The following ABCC6 variants were observed in gnomAD, a reference collection of about 807,000 sequenced individuals.
ABCC6 encodes ATP binding cassette subfamily C member 6.
A neutral mutation model predicts 169.5 loss-of-function variants in ABCC6; 126 were observed. The ratio of observed to expected loss-of-function variants is 0.74; its 90% CI spans 0.64 to 0.86. ABCC6 has a LOEUF of 0.86. Ranked by LOEUF, ABCC6 falls within the 40% of genes least tolerant of loss-of-function variation. The probability of loss-of-function intolerance (pLI) is 0.00; values close to 1 mark genes in which losing one functional copy is unlikely to be tolerated. For missense variants in ABCC6, 1,733 were observed against 1,927.2 expected (o/e 0.90, Z 1.89); for synonymous variants, 752 against 814.7 (o/e 0.92, Z 1.31).
At chr16:16,213,082 AT>A (rs55813185) in intron 5 of ABCC6, among the ~76,000 whole-genome samples, 3,733 of 138,668 alleles carry the variant, frequency 0.027, 34 homozygotes, top group Non-Finnish European at 0.031. Context: ...CCTTCGAGCA[AT>A]TTTTTTTTTT....
intron 9 of ABCC6, among the ~76,000 whole-genome samples, chr16:16,198,937 T>C (rs2152279470): frequency 6.6e-6 from 1 of 151,574 alleles, no homozygotes; most frequent in East Asian, 1.9e-4. Flanking sequence ...GAGGTTGCAG[T>C]GAGCCCAGAT....
intron 25 of ABCC6, among the ~76,000 whole-genome samples, chr16:16,160,628 CAAAA>C (rs34511090): frequency 5.9e-4 from 45 of 76,392 alleles, no homozygotes; most frequent in African/African-American, 1.7e-3. Flanking sequence ...CTGTTTCTAC[CAAAA>C]AAAAAAAAAA....
In ABCC6 at chr16:16,161,423, G is replaced by T; in HGVS notation, c.3633+15C>A. ...TGTCTGTCCCTCAAGCCCAGTTTGGGGATGTGGGGAGTACCTGGAGGGCAG... is the reference window on the plus strand; with the variant it reads ...TGTCTGTCCCTCAAGCCCAGTTTGGTGATGTGGGGAGTACCTGGAGGGCAG... On this transcript the variant is annotated intron_variant, in intron 25 of 30. Transcript: ENST00000205557. The T allele has an allele frequency of 1.9e-6, 3 of 1,613,690 alleles. No individual in the cohort carries two copies. The highest frequency in any genetic ancestry group is 2.5e-6 in the Non-Finnish European group (3 of 1,179,948).
At chr16:16,182,198 C>T (rs1429311876) in intron 17 of ABCC6, among the ~76,000 whole-genome samples, 1 of 152,176 alleles carries the variant, frequency 6.6e-6, no homozygotes, top group Non-Finnish European at 1.5e-5. Context: ...GCCACAACTC[C>T]CTGCCTCTCT....
In ABCC6 at chr16:16,208,757, C is replaced by T. The variant is rs771478479; in HGVS notation, c.765G>A (p.Glu255=). ...GGGCTGCACTGCGGTTCCTCATCCACTCCTTTTCAAGCCGGGAAACAAGTT... is the reference window on the plus strand; with the variant it reads ...GGGCTGCACTGCGGTTCCTCATCCATTCCTTTTCAAGCCGGGAAACAAGTT... The part of the protein sequence containing the change: ...SEELVSRLEK[E]WMRNRSAARR... Residue 255 remains glutamate, a synonymous_variant, in exon 7 of 31, where the codon GAG becomes GAA. Transcript: ENST00000205557. 1.9e-5 allele frequency: 30 copies of T among 1,613,688 alleles called. No homozygotes were observed. Among genetic ancestry groups the T allele is most frequent in the Non-Finnish European group, 2.5e-5 (29 of 1,179,778 alleles).
intron 21 of ABCC6, among the ~76,000 whole-genome samples, chr16:16,172,908 G>A (rs1329993624): frequency 2.6e-5 from 4 of 152,080 alleles, no homozygotes; most frequent in African/African-American, 4.8e-5. Context: ...TGGGCATGGT[G>A]GCACACGCCT....
intron 21 of ABCC6, chr16:16,172,984 G>A (rs2047162564): frequency 1.6e-5 from 7 of 436,124 alleles, no homozygotes; most frequent in Non-Finnish European, 2.1e-5. Context: ...CGAGGCTGCA[G>A]TGAGCTATGA....
chr16:16,219,249 G>C (rs1007985176), intron 4 of ABCC6, among the ~76,000 whole-genome samples: 2 of 148,950 alleles, frequency 1.3e-5, no homozygotes, highest in African/African-American at 5.0e-5. Flanking sequence ...CAGGTTGTGT[G>C]TGTGTGCGTG....
chr16:16,215,344 A>G (rs1358981208), intron 4 of ABCC6, among the ~76,000 whole-genome samples: 1 of 151,848 alleles, frequency 6.6e-6, no homozygotes, highest in Non-Finnish European at 1.5e-5. Flanking sequence ...CCACACCACA[A>G]TGATTTTTGC....
intron 29 of ABCC6, among the ~76,000 whole-genome samples, chr16:16,151,837 A>G (rs2046392501): frequency 2.6e-5 from 4 of 151,970 alleles, no homozygotes. Context: ...AAGTCCTCTG[A>G]CCCCAGAGTC....
At chr16:16,152,584 T>C (rs1225667147) in intron 29 of ABCC6, among the ~76,000 whole-genome samples, 3 of 152,098 alleles carry the variant, frequency 2.0e-5, no homozygotes, top group South Asian at 4.1e-4. Context: ...TGCCTGCCAC[T>C]GTTTCAACAA....
chr16:16,183,033 C>G, intron 15 of ABCC6, 103 bp from the exon 16 acceptor site: 1 of 1,569,132 alleles, frequency 6.4e-7, no homozygotes, highest in Non-Finnish European at 8.8e-7. Flanking sequence ...CTCTGGGAGT[C>G]TCCAAGAGGA....
chr16:16,194,418 C>T (rs1195064599), intron 10 of ABCC6, among the ~76,000 whole-genome samples: 2 of 152,254 alleles, frequency 1.3e-5, no homozygotes, highest in Non-Finnish European at 2.9e-5. Flanking sequence ...ACTCACACTT[C>T]ACTGAATGTC....
intron 17 of ABCC6, among the ~76,000 whole-genome samples, chr16:16,181,336 C>A (rs2047461877): frequency 1.6e-5 from 2 of 125,290 alleles, no homozygotes; most frequent in African/African-American, 6.1e-5. Context: ...GAGCGAGACT[C>A]CGTCTCAGAA....
In ABCC6 at chr16:16,163,185, T is replaced by A; in HGVS notation, c.3314A>T (p.Tyr1105Phe). Reference sequence around the variant, plus strand: ...TCTCAGCTGGCATGAGCTAACCACATACAGGCTCTGAGAAGGATGGATGGG... The same window carrying A: ...TCTCAGCTGGCATGAGCTAACCACAAACAGGCTCTGAGAAGGATGGATGGG... Reference protein sequence around the residue: ...FLLYAGFQSLYVVSSCQLRRL... With the variant: ...FLLYAGFQSLFVVSSCQLRRL... Residue 1105 changes from tyrosine to phenylalanine, a missense_variant, in exon 24 of 31, where the codon TAT becomes TTT. Physicochemically the swap from Tyr to Phe is conservative, Grantham distance 22. Coordinates refer to ENST00000205557, the MANE Select transcript of ABCC6 (RefSeq NM_001171.6). 2 of 1,613,210 alleles carry A rather than the reference T, an allele frequency of 1.2e-6. No homozygotes were observed. The highest frequency in any genetic ancestry group is 1.7e-6 in the Non-Finnish European group (2 of 1,179,968).
At chr16:16,159,735 G>A (rs2046655795) in intron 25 of ABCC6, 152 bp from the exon 26 acceptor site, 1 of 713,766 alleles carries the variant, frequency 1.4e-6, no homozygotes, top group South Asian at 1.5e-5. Flanking sequence ...CTGGGCCCAG[G>A]GGATTGGGAT....
chr16:16,196,711 T>G (rs1304231944), intron 10 of ABCC6, among the ~76,000 whole-genome samples: 2 of 152,104 alleles, frequency 1.3e-5, no homozygotes, highest in Non-Finnish European at 2.9e-5. Flanking sequence ...TACTTTTATT[T>G]ATTTGTTGGA....
rs1567465407 is a variant in ABCC6, at chr16:16,154,808, G to T, written c.4042-14C>A. 1.9e-6 allele frequency: 3 copies of T among 1,609,488 alleles called. No homozygotes were observed. The South Asian group carries it at 3.3e-5, about 18-fold the overall frequency. On this transcript the variant is annotated splice_polypyrimidine_tract_variant and intron_variant, in intron 28 of 30. Transcript: ENST00000205557. ...CAGGATGGGGTCCTGGCGGGGAGGG[G>T]CGGTGGGTCAGAGCCGGGTCCCACC...
At chr16:16,185,776 CTG>C (rs3066354) in intron 14 of ABCC6, among the ~76,000 whole-genome samples, 53,369 of 151,948 alleles carry the variant, frequency 0.35, 11,159 homozygotes, top group Non-Finnish European at 0.49. Flanking sequence ...CGGAGTAAGA[CTG>C]TGTCTCAAAA....
Sources: allele counts gnomAD v4.1 joint callset (sites outside exome capture counted in the v4.1 genomes callset), GRCh38; gene constraint gnomAD v4.1.1; transcripts MANE v1.5; gene names NCBI Gene and HGNC (gene_info 2026-07-23, HGNC 2026-07-21).